Variants in CPAMD8 observed in about 807,000 individuals in gnomAD.
CPAMD8 encodes C3 and PZP like alpha-2-macroglobulin domain containing 8.
A neutral mutation model predicts 224.7 loss-of-function variants in CPAMD8; 146 were observed. The ratio of observed to expected loss-of-function variants is 0.65; its 90% confidence interval spans 0.57 to 0.75. CPAMD8 has a LOEUF of 0.75. CPAMD8 is among the 30% of genes least tolerant of loss of function. The pLI is 0.00. For synonymous variants in CPAMD8, 966 were observed against 1,044.6 expected, an observed-to-expected ratio of 0.92 and a Z score of 1.45; for missense variants, 2,301 against 2,537.5, an observed-to-expected ratio of 0.91 and a Z score of 2.00.
rs553555468 is a variant in CPAMD8, at chr19:16,942,111, A to G, written c.2793+3438T>C. ...TAAGTTTCCTGAGGCCTCCCCAGCC[A>G]TGCTTCCTGTACAGCCTACAGAGCT... On this transcript the variant is annotated intron_variant, in intron 22 of 41. Transcript: ENST00000443236. Among the ~76,000 whole-genome samples the G allele has an allele frequency of 2.6e-5, 4 of 152,204 alleles. No individual in the cohort carries two copies. In the South Asian group the frequency reaches 8.3e-4, roughly 32 times the overall value.
At chr19:16,948,362 G>A (rs932338568) in intron 20 of CPAMD8, among the ~76,000 whole-genome samples, 5 of 152,124 alleles carry the variant, frequency 3.3e-5, no homozygotes, top group Non-Finnish European at 5.9e-5. Flanking sequence ...TCCTGACAAA[G>A]GAAAGGCCCA....
intron 13 of CPAMD8, among the ~76,000 whole-genome samples, chr19:16,986,865 G>A (rs2055738786): frequency 6.6e-6 from 1 of 151,922 alleles, no homozygotes; most frequent in Admixed American, 6.6e-5. Context: ...CTTAAATATA[G>A]ATGTGTATGG....
intron 24 of CPAMD8, 29 bp downstream of exon 24, chr19:16,928,913 C>T: frequency 6.4e-7 from 1 of 1,551,364 alleles, no homozygotes; most frequent in Non-Finnish European, 8.7e-7. Context: ...GAGGCTTCTG[C>T]ACAAGCCCCA....
intron 20 of CPAMD8, among the ~76,000 whole-genome samples, chr19:16,949,727 G>T (rs192820831): frequency 6.6e-6 from 1 of 152,152 alleles, no homozygotes. Context: ...AGGTCAAGCT[G>T]CCTCCTGCTT....
chr19:16,990,353 G>A (rs546231829), intron 12 of CPAMD8, among the ~76,000 whole-genome samples: 1 of 151,806 alleles, frequency 6.6e-6, no homozygotes, highest in East Asian at 1.9e-4. Context: ...AGGCAGAGGT[G>A]TGAGGATCAC....
At chr19:16,918,465 A>ATTT (rs2053045324) in intron 27 of CPAMD8, among the ~76,000 whole-genome samples, 1 of 136,578 alleles carries the variant, frequency 7.3e-6, no homozygotes, top group African/African-American at 2.9e-5. Context: ...TTTTTTTTTA[A>ATTT]GAGATGGAGT....
rs183045403 is a variant in CPAMD8 at position 16,930,439 on chromosome 19, A to C, written c.2846-1199T>G. The stretch of plus-strand genomic sequence containing the variant: ...CTGGTACTTGCCTCCTTGACGAACA[A>C]AAATAACAAGTAGATCATCACACTT... On this transcript the variant is annotated intron_variant, in intron 23 of 41. Coordinates refer to ENST00000443236, the MANE Select transcript of CPAMD8 (RefSeq NM_015692.5). 1.1e-4 allele frequency among the ~76,000 whole-genome samples: 16 copies of C among 152,308 alleles called. No individual in the cohort carries two copies. The East Asian group carries it at 3.1e-3, about 29-fold the overall frequency.
chr19:16,932,548 A>T (rs961234433), intron 23 of CPAMD8, among the ~76,000 whole-genome samples: 3 of 149,206 alleles, frequency 2.0e-5, no homozygotes, highest in African/African-American at 5.2e-5. Context: ...TGAAGAATTC[A>T]TTAAATGAAA....
intron 11 of CPAMD8, among the ~76,000 whole-genome samples, chr19:16,994,391 T>C (rs961078128): frequency 3.3e-5 from 5 of 151,964 alleles, no homozygotes; most frequent in East Asian, 3.9e-4. Context: ...GAGGCAGACA[T>C]AGATGTTTTA....
intron 11 of CPAMD8, 145 bp downstream of exon 11, chr19:16,996,966 T>A: frequency 1.6e-6 from 1 of 642,290 alleles, no homozygotes; most frequent in South Asian, 1.8e-5. Flanking sequence ...GCCCCTCACC[T>A]GGAACACCAG....
At chr19:16,968,703 A>G (rs2054943985) in intron 18 of CPAMD8, among the ~76,000 whole-genome samples, 1 of 152,176 alleles carries the variant, frequency 6.6e-6, no homozygotes, top group Non-Finnish European at 1.5e-5. Flanking sequence ...CAGTGGCACA[A>G]TCACAGCTCA....
At chr19:16,921,391 C>A (rs1411441914) in intron 27 of CPAMD8, among the ~76,000 whole-genome samples, 1 of 152,020 alleles carries the variant, frequency 6.6e-6, no homozygotes, top group Non-Finnish European at 1.5e-5. Context: ...ACTGCAATAG[C>A]CTGAGGATAT....
rs765066061 is a variant in CPAMD8 at position 16,993,396 on chromosome 19, G to A, written c.1266+20C>T. On this transcript the variant is annotated intron_variant, in intron 12 of 41. Transcript: ENST00000443236. The stretch of plus-strand genomic sequence containing the variant: ...CCATACCTGCTGGCTGAATAACAAG[G>A]GTCCACGGGACTCACCCACCTCCAG... 6.2e-7 allele frequency: 1 copy of A among 1,604,990 alleles called. No homozygotes were observed. The highest frequency in any genetic ancestry group is 1.1e-5 in the South Asian group (1 of 89,842).
At chr19:16,959,906 C>T (rs1197883367) in intron 18 of CPAMD8, among the ~76,000 whole-genome samples, 4 of 152,224 alleles carry the variant, frequency 2.6e-5, no homozygotes, top group South Asian at 2.1e-4. Flanking sequence ...TACCTGGCAG[C>T]GTTAACATTC....
At chr19:16,936,822 T>C (rs781738186) in intron 23 of CPAMD8, among the ~76,000 whole-genome samples, 1 of 152,228 alleles carries the variant, frequency 6.6e-6, no homozygotes, top group Admixed American at 6.5e-5. Flanking sequence ...TCCCAGTCTG[T>C]AGACTGTAGT....
intron 23 of CPAMD8, among the ~76,000 whole-genome samples, chr19:16,933,391 A>C (rs73525456): frequency 0.017 from 2,617 of 152,298 alleles, 70 homozygotes; most frequent in African/African-American, 0.06. Flanking sequence ...GAATGAATGA[A>C]AAGGTAAGCC....
At chr19:16,954,628 C>T (rs999996357) in intron 19 of CPAMD8, among the ~76,000 whole-genome samples, 2 of 152,046 alleles carry the variant, frequency 1.3e-5, no homozygotes, top group African/African-American at 4.8e-5. Flanking sequence ...AAGGGTCCAT[C>T]GACAGAAAAT....
chr19:17,000,213 G>C, intron 10 of CPAMD8: 1 of 447,854 alleles, frequency 2.2e-6, no homozygotes. Context: ...CAGCACTTTT[G>C]GGGGCAAAGG....
At chr19:16,915,532 A>G (rs1462582133) in intron 27 of CPAMD8, among the ~76,000 whole-genome samples, 1 of 152,186 alleles carries the variant, frequency 6.6e-6, no homozygotes, top group Non-Finnish European at 1.5e-5. Context: ...AGCCAAAAAC[A>G]TCTCTGTTAT....
Sources: allele counts gnomAD v4.1 joint callset (sites outside exome capture counted in the v4.1 genomes callset), GRCh38; gene constraint gnomAD v4.1.1; transcripts MANE v1.5; gene names NCBI Gene and HGNC (gene_info 2026-07-23, HGNC 2026-07-21).